The following SLC44A2 variants were observed in gnomAD, a reference collection of about 807,000 sequenced individuals.
SLC44A2 encodes the protein solute carrier family 44 member 2 (CTL2 blood group).
A neutral mutation model predicts 90.8 loss-of-function variants in SLC44A2; 57 were observed. That is an observed-to-expected ratio of 0.63 (90% CI 0.51 to 0.78). The LOEUF is 0.78. SLC44A2 is among the 30% of genes least tolerant of loss of function. The pLI is 0.00. For synonymous variants in SLC44A2, 355 were observed against 360.7 expected (o/e 0.98, Z 0.18); for missense variants, 794 against 919.7 (o/e 0.86, Z 1.77).
At chr19:10,611,082 A>T (rs554241648) in intron 1 of SLC44A2, among the ~76,000 whole-genome samples, 1 of 152,162 alleles carries the variant, frequency 6.6e-6, no homozygotes, top group African/African-American at 2.4e-5. Flanking sequence ...GGCTGAAGCG[A>T]TCCTTCCCCT....
chr19:10,615,194 G>A (rs370843211), intron 1 of SLC44A2, among the ~76,000 whole-genome samples: 3 of 151,904 alleles, frequency 2.0e-5, no homozygotes, highest in African/African-American at 7.3e-5. Context: ...ACTTTGGGAG[G>A]CCAAGGCAGG....
upstream of SLC44A2, among the ~76,000 whole-genome samples, chr19:10,623,692 A>ATTT (rs542331677): frequency 4.1e-4 from 58 of 140,792 alleles, no homozygotes; most frequent in Middle Eastern, 3.7e-3. Flanking sequence ...ATTGTATTGT[A>ATTT]TTTTTTTTTT....
In SLC44A2 at chr19:10,643,490, C is replaced by T. The variant is rs960022258; in HGVS notation, c.*105C>T. ...GGCTCACCTGAAGTCCTATCACTGC[C>T]GCTCTGCCCCTCCCCATGAGCCAGA... On this transcript the variant is annotated 3_prime_UTR_variant, in exon 22 of 22. Coordinates refer to ENST00000335757, the MANE Select transcript of SLC44A2 (RefSeq NM_020428.4). 1.5e-5 allele frequency: 19 copies of T among 1,305,806 alleles called. No homozygotes were observed. The highest frequency in any genetic ancestry group is 4.8e-5 in the Admixed American group (2 of 42,094). The allele number at this position is 1,305,806 out of a possible 1,614,324, so 80.9% of individuals were successfully genotyped here.
rs1384978727 is a variant in SLC44A2 at position 10,626,188 on chromosome 19, G to T, written c.38-65G>T. On this transcript the variant is annotated intron_variant, in intron 1 of 21. Transcript: ENST00000335757. ...CACCCCTAGGGGCTTTTGGGAGGGG[G>T]CTCTCCCAGCCCTGTCTTGGTTCAG... 5 of 1,318,912 alleles carry T rather than the reference G, an allele frequency of 3.8e-6. No individual in the cohort carries two copies. The African/African-American group carries it at 7.2e-5, about 19-fold the overall frequency. 81.7% of individuals were successfully genotyped at this position (1,318,912 alleles called of 1,614,324 possible).
intron 17 of SLC44A2, 46 bp downstream of exon 17, chr19:10,637,793 G>A (rs1358542881): frequency 2.5e-6 from 4 of 1,612,952 alleles, no homozygotes; most frequent in African/African-American, 1.3e-5. Context: ...CTCCTGCTGG[G>A]TGAGAGGACC....
At chr19:10,604,348 T>G (rs1918041080) in intron 1 of SLC44A2, among the ~76,000 whole-genome samples, 1 of 152,232 alleles carries the variant, frequency 6.6e-6, no homozygotes, top group Admixed American at 6.5e-5. Flanking sequence ...ACGTAGTTAC[T>G]TAATTACATT....
chr19:10,620,270 C>T (rs116957244), intron 1 of SLC44A2, among the ~76,000 whole-genome samples: 5,960 of 152,198 alleles, frequency 0.039, 153 homozygotes, highest in South Asian at 0.11. Flanking sequence ...CGCCTGAGGT[C>T]AGCAGTTCGA....
At chr19:10,629,698 C>T (rs948726537) in intron 4 of SLC44A2, among the ~76,000 whole-genome samples, 1 of 152,008 alleles carries the variant, frequency 6.6e-6, no homozygotes, top group Non-Finnish European at 1.5e-5. Flanking sequence ...CCACCTGGGC[C>T]TTCCAAAGTG....
At chr19:10,608,172 G>A (rs1032755442) in intron 1 of SLC44A2, among the ~76,000 whole-genome samples, 4 of 151,080 alleles carry the variant, frequency 2.6e-5, no homozygotes, top group South Asian at 4.2e-4. Context: ...GTAGTGAGCC[G>A]AGATCGCGCC....
At position 10,609,170 on chromosome 19, in the gene SLC44A2, C is replaced by G. The variant is rs540096188; in HGVS notation, c.31+6609C>G. Among the ~76,000 whole-genome samples the G allele has an allele frequency of 9.2e-5, 14 of 152,156 alleles. No individual in the cohort carries two copies. The South Asian group carries it at 2.9e-3, about 32-fold the overall frequency. On this transcript the variant is annotated intron_variant, in intron 1 of 21. Transcript: ENST00000407327. Reference sequence around the variant, plus strand: ...ACGGGGTTTCACCATATTGGCCAGGCTGGTCTTGAACTCCTGACCTTGTGA... The same window carrying G: ...ACGGGGTTTCACCATATTGGCCAGGGTGGTCTTGAACTCCTGACCTTGTGA...
chr19:10,626,296 C>T lies in SLC44A2; in HGVS notation c.81C>T (p.Tyr27=), dbSNP rs750107557. The change falls in exon 2 of 22, where the codon TAC becomes TAT. Residue 27 remains tyrosine (Y), a synonymous_variant. Coordinates refer to ENST00000335757, the MANE Select transcript of SLC44A2 (RefSeq NM_020428.4). ...ATCCCACTTTCAAAGGACCCATTTACAATAGGTAAGAGCTCTGGGTTTTGG... is the reference window on the plus strand; with the variant it reads ...ATCCCACTTTCAAAGGACCCATTTATAATAGGTAAGAGCTCTGGGTTTTGG... ...KYDPTFKGPI[Y]NRGCTDIICC... is the part of the protein sequence containing the mutation. 3.1e-6 allele frequency: 5 copies of T among 1,611,546 alleles called. No homozygotes were observed. The highest frequency in any genetic ancestry group is 4.2e-6 in the Non-Finnish European group (5 of 1,177,632).
At chr19:10,640,772 C>T (rs2067106897) in intron 20 of SLC44A2, among the ~76,000 whole-genome samples, 1 of 151,984 alleles carries the variant, frequency 6.6e-6, no homozygotes, top group African/African-American at 2.4e-5. Flanking sequence ...GAGGGGTGCC[C>T]AGTGCTAGGA....
intron 1 of SLC44A2, among the ~76,000 whole-genome samples, chr19:10,606,136 A>G (rs560755454): frequency 1.3e-4 from 20 of 151,990 alleles, no homozygotes; most frequent in African/African-American, 4.8e-4. Flanking sequence ...TGTCTCTACA[A>G]AAAAATTTAA....
At chr19:10,622,852 T>G (rs1348265765), upstream of SLC44A2, among the ~76,000 whole-genome samples, 2 of 152,062 alleles carry the variant, frequency 1.3e-5, no homozygotes, top group Non-Finnish European at 2.9e-5. Flanking sequence ...CAGTGAGCTG[T>G]GATTATGCCA....
intron 16 of SLC44A2, chr19:10,637,067 G>T (rs548878927): frequency 6.8e-6 from 2 of 295,470 alleles, no homozygotes; most frequent in East Asian, 1.4e-4. Flanking sequence ...AATAAGACTG[G>T]TTTATTAGCC....
At chr19:10,629,361 T>A (rs1417299714) in intron 4 of SLC44A2, among the ~76,000 whole-genome samples, 4 of 151,080 alleles carry the variant, frequency 2.6e-5, no homozygotes, top group African/African-American at 9.7e-5. Flanking sequence ...CACTGCAACC[T>A]CCGTCTCCCG....
chr19:10,642,595 C>A, intron 21 of SLC44A2, 144 bp downstream of exon 21: 2 of 821,736 alleles, frequency 2.4e-6, no homozygotes, highest in South Asian at 1.5e-5. Flanking sequence ...GGTCCCCAGC[C>A]TGTCTTCCTG....
chr19:10,638,557 G>C (rs1206376702), intron 20 of SLC44A2, among the ~76,000 whole-genome samples: 2 of 152,056 alleles, frequency 1.3e-5, no homozygotes, highest in Non-Finnish European at 2.9e-5. Flanking sequence ...GAATTCTCGA[G>C]CTTTTGCCTC....
chr19:10,625,656 A>G lies in SLC44A2; in HGVS notation c.23A>G (p.Tyr8Cys). ...GGGATGGGGGACGAGCGGCCCCACTACTACGGGAAACACGGTAGGCAGCGA... is the reference window on the plus strand; with the variant it reads ...GGGATGGGGGACGAGCGGCCCCACTGCTACGGGAAACACGGTAGGCAGCGA... MGDERPH[Y>C]YGKHGTPQKY... Residue 8 changes from tyrosine (Y) to cysteine (C), a missense_variant, in exon 1 of 22, where the codon TAC becomes TGC. Physicochemically the swap from Tyr to Cys is radical, Grantham distance 194. Transcript: ENST00000335757. The G allele has an allele frequency of 8.0e-7, 1 of 1,250,662 alleles. No individual in the cohort carries two copies. Among genetic ancestry groups the G allele is most frequent in the Non-Finnish European group, 1.0e-6 (1 of 991,698 alleles). 77.5% of individuals were successfully genotyped at this position (1,250,662 alleles called of 1,614,324 possible). A position where few individuals can be genotyped will look rare whatever the true frequency, so the allele number is the denominator to read the frequency against.
Sources: allele counts gnomAD v4.1 joint callset (sites outside exome capture counted in the v4.1 genomes callset), GRCh38; gene constraint gnomAD v4.1.1; transcripts MANE v1.5; gene names NCBI Gene and HGNC (gene_info 2026-07-23, HGNC 2026-07-21).